The following PROS1 variants were observed in gnomAD, a reference collection of about 807,000 sequenced individuals.
PROS1 encodes the protein protein S, also known as vitamin K-dependent protein S.
Under a neutral mutation model 75.9 loss-of-function variants are expected in PROS1, and 29 were observed. The observed-to-expected ratio is 0.38, with a 90% CI of 0.28 to 0.52. The LOEUF (loss-of-function observed/expected upper bound fraction) is 0.52. PROS1 is among the 20% of genes least tolerant of loss of function. The pLI is 0.83. For synonymous variants in PROS1, 245 were observed against 280.6 expected, an observed-to-expected ratio of 0.87 and a Z score of 1.27; for missense variants, 680 against 810.3, an observed-to-expected ratio of 0.84 and a Z score of 1.95.
intron 3 of PROS1, 47 bp downstream of exon 3, chr3:93,924,193 T>G (rs1369523550): frequency 8.2e-7 from 1 of 1,221,468 alleles, no homozygotes; most frequent in East Asian, 2.8e-5. Flanking sequence ...CATATCTAAG[T>G]TCCCTTCCAT....
chr3:93,954,716 A>T (rs1709569175), intron 1 of PROS1, among the ~76,000 whole-genome samples: 2 of 152,216 alleles, frequency 1.3e-5, no homozygotes, highest in Admixed American at 1.3e-4. Flanking sequence ...AAAAGCCAAA[A>T]TTGACAAATG....
At chr3:93,879,417 G>T in intron 12 of PROS1, 103 bp from the exon 13 acceptor site, 1 of 1,423,586 alleles carries the variant, frequency 7.0e-7, no homozygotes, top group Non-Finnish European at 9.9e-7. Context: ...ACTATCTTGT[G>T]TAATACTATT....
intron 10 of PROS1, among the ~76,000 whole-genome samples, chr3:93,890,654 T>C (rs952578104): frequency 2.0e-5 from 3 of 152,194 alleles, no homozygotes; most frequent in Non-Finnish European, 2.9e-5. Flanking sequence ...CAATGAAATA[T>C]TGGGGGCAGG....
Position 93,906,171 on chromosome 3 carries a change from T to C in PROS1, c.347-28A>G, listed in dbSNP as rs1038505186. On this transcript the variant is annotated intron_variant, in intron 4 of 14. Transcript: ENST00000394236. ...GAAGGAAATAGACATCTATTTATTTTTTTTATCTCATGTCATGGAAAAATA... is the reference window on the plus strand; with the variant it reads ...GAAGGAAATAGACATCTATTTATTTCTTTTATCTCATGTCATGGAAAAATA... 3.7e-6 allele frequency: 6 copies of C among 1,610,848 alleles called. 1 individual carries two copies. The South Asian group carries it at 5.5e-5, about 15-fold the overall frequency.
intron 1 of PROS1, among the ~76,000 whole-genome samples, chr3:93,964,103 C>A (rs1261064603): frequency 6.6e-6 from 1 of 152,162 alleles, no homozygotes; most frequent in Non-Finnish European, 1.5e-5. Flanking sequence ...TGTACATCAC[C>A]TCAGGGCCAC....
intron 3 of PROS1, among the ~76,000 whole-genome samples, chr3:93,923,894 G>T (rs1350727072): frequency 1.3e-5 from 2 of 148,214 alleles, no homozygotes; most frequent in Admixed American, 6.7e-5. Flanking sequence ...ACAGCAAGGC[G>T]CTGCCTCACA....
intron 1 of PROS1, among the ~76,000 whole-genome samples, chr3:93,960,007 T>C (rs533295652): frequency 7.5e-4 from 114 of 152,316 alleles, no homozygotes; most frequent in African/African-American, 2.7e-3. Flanking sequence ...TTGTAATATA[T>C]ATTACCAAAG....
chr3:93,891,665 C>A (rs1187093063), intron 10 of PROS1, among the ~76,000 whole-genome samples: 1 of 152,170 alleles, frequency 6.6e-6, no homozygotes, highest in Admixed American at 6.5e-5. Context: ...CTGCCTTGGC[C>A]TCCTAAAGAG....
chr3:93,912,848 C>T (rs8178622), intron 3 of PROS1, among the ~76,000 whole-genome samples: 2,236 of 152,182 alleles, frequency 0.015, 70 homozygotes, highest in African/African-American at 0.051. Context: ...CCCATTAGGC[C>T]CCACCTCCCA....
intron 1 of PROS1, among the ~76,000 whole-genome samples, chr3:93,956,533 T>TCCAC (rs1411361636): frequency 8.8e-6 from 1 of 113,262 alleles, no homozygotes; most frequent in Non-Finnish European, 1.8e-5. Flanking sequence ...TCTCTCTCTC[T>TCCAC]ACACACACAC....
At chr3:93,962,116 T>C (rs571260573) in intron 1 of PROS1, among the ~76,000 whole-genome samples, 1 of 152,186 alleles carries the variant, frequency 6.6e-6, no homozygotes, top group East Asian at 1.9e-4. Context: ...GCAATGGAAA[T>C]GAGCCCCCAG....
At chr3:93,968,149 GAA>G (rs1326937559) in intron 1 of PROS1, 1 of 152,184 alleles carries the variant, frequency 6.6e-6, no homozygotes, top group Admixed American at 6.5e-5. Flanking sequence ...AAAAGATGCT[GAA>G]GTTGTAATTC....
intron 12 of PROS1, among the ~76,000 whole-genome samples, chr3:93,884,305 A>G (rs543800720): frequency 2.6e-5 from 4 of 152,344 alleles, no homozygotes; most frequent in South Asian, 2.1e-4. Context: ...TTGAAAACTC[A>G]GTACATAAAC....
intron 1 of PROS1, among the ~76,000 whole-genome samples, chr3:93,937,531 C>T (rs190121484): frequency 6.6e-6 from 1 of 152,156 alleles, no homozygotes; most frequent in East Asian, 1.9e-4. Flanking sequence ...CCTCACCTGG[C>T]TAATTTTTTG....
At chr3:93,944,843 C>G (rs1013582900) in intron 1 of PROS1, among the ~76,000 whole-genome samples, 1 of 151,792 alleles carries the variant, frequency 6.6e-6, no homozygotes, top group African/African-American at 2.4e-5. Flanking sequence ...ACAAAAAACC[C>G]TTCAAAAAAA....
chr3:93,938,681 G>GT (rs148158588), intron 1 of PROS1, among the ~76,000 whole-genome samples: 12 of 152,072 alleles, frequency 7.9e-5, no homozygotes, highest in Admixed American at 2.0e-4. Context: ...TCCAATTCCA[G>GT]TTTTTTTTCC....
At position 93,896,638 on chromosome 3, in the gene PROS1, G is replaced by A. The variant is rs760392622; in HGVS notation, c.903C>T (p.Tyr301=). ...LNLDTKYELL[Y]LAEQFAGVVL... ...CAACCCCTGCAAACTGCTCCGCCAA[G>A]TAAAGTAATTCATACTTTGTGTCAA... Residue 301 remains tyrosine (Y), a synonymous_variant, in exon 9 of 15, where the codon TAC becomes TAT. Transcript: ENST00000394236. 7.4e-6 allele frequency: 12 copies of A among 1,613,826 alleles called. No individual in the cohort carries two copies. In the South Asian group the frequency reaches 1.2e-4, roughly 16 times the overall value.
At chr3:93,920,714 T>C (rs773860570) in intron 3 of PROS1, among the ~76,000 whole-genome samples, 3 of 152,188 alleles carry the variant, frequency 2.0e-5, no homozygotes, top group Admixed American at 6.5e-5. Context: ...AAAGAAACTA[T>C]ACCTAAATTT....
In PROS1 at chr3:93,874,338, A is replaced by G. The variant is rs1349900185; in HGVS notation, c.1938T>C (p.Gly646=). ...TGGCTTCATCCAGATCCAACTGTAC[A>G]CCATTAATATTCACTTCCATGCAGC... ...YNGCMEVNIN[G]VQLDLDEAIS... The change falls in exon 15 of 15, where the codon GGT becomes GGC. Residue 646 remains glycine (G), a synonymous_variant. Transcript: ENST00000394236. The G allele has an allele frequency of 6.2e-7, 1 of 1,613,474 alleles. No homozygotes were observed. The highest frequency in any genetic ancestry group is 2.2e-5 in the East Asian group (1 of 44,804).
Sources: gnomAD v4.1 joint callset for allele counts (sites outside exome capture counted in the v4.1 genomes callset) on GRCh38, gnomAD v4.1.1 for gene constraint, MANE v1.5 for transcripts, NCBI Gene and HGNC (gene_info 2026-07-23, HGNC 2026-07-21) for gene names.